Variants in CDH17 observed in about 807,000 individuals in gnomAD.
CDH17 encodes cadherin-17.
A neutral mutation model predicts 86.3 loss-of-function variants in CDH17; 67 were observed. The observed-to-expected ratio is 0.78, with a 90% confidence interval of 0.64 to 0.95. The LOEUF (loss-of-function observed/expected upper bound fraction) is 0.95, where lower values mean the gene tolerates loss of function less well. Among genes scored for constraint, CDH17 ranks in the 40% least tolerant of loss-of-function variants. CDH17 has a pLI of 0.00. For missense variants in CDH17, 993 were observed against 1,017.6 expected (o/e 0.98, Z 0.33); for synonymous variants, 367 against 366.4 (o/e 1.00, Z -0.02).
chr8:94,151,872 T>G lies in CDH17; in HGVS notation c.1792A>C (p.Ile598Leu). 1 of 1,614,186 alleles carries G rather than the reference T, an allele frequency of 6.2e-7. No homozygotes were observed. The highest frequency in any genetic ancestry group is 8.5e-7 in the Non-Finnish European group (1 of 1,180,014). ...VTAKDPEGLD[I>L]SYSLRGDTRG... ...CCCAGCACTGTTGCCCTTTACCTTA[T>G]GTCCAGACCTTCTGGATCCTTGGCA... The change falls in exon 13 of 18, where the codon ATA becomes CTA. Residue 598 changes from isoleucine (I) to leucine (L), a missense_variant. By Grantham distance (5) the Ile-to-Leu change is conservative. Transcript: ENST00000027335.
intron 15 of CDH17, among the ~76,000 whole-genome samples, chr8:94,138,273 G>T (rs2446809): frequency 0.82 from 125,283 of 151,990 alleles, 51,794 homozygotes; most frequent in African/African-American, 0.85. Flanking sequence ...AGGGACCAGA[G>T]TTACCATTCC....
chr8:94,194,550 T>C, intron 2 of CDH17, 85 bp downstream of exon 2: 2 of 878,010 alleles, frequency 2.3e-6, no homozygotes, highest in South Asian at 2.9e-5. Flanking sequence ...TAAGTAATAA[T>C]AGCCATTCTT....
intron 1 of CDH17, 66 bp from the exon 2 acceptor site, chr8:94,194,771 G>A (rs1813750995): frequency 4.7e-6 from 4 of 842,748 alleles, no homozygotes; most frequent in Non-Finnish European, 7.9e-6. Flanking sequence ...TTTCCAATCA[G>A]TAAGAATCAA....
At chr8:94,171,365 G>T (rs189940650) in intron 7 of CDH17, among the ~76,000 whole-genome samples, 1 of 152,188 alleles carries the variant, frequency 6.6e-6, no homozygotes, top group Non-Finnish European at 1.5e-5. Context: ...TGTATGGTGA[G>T]CATCTAATAC....
At chr8:94,130,274 G>A (rs1428320479) in intron 17 of CDH17, among the ~76,000 whole-genome samples, 2 of 152,128 alleles carry the variant, frequency 1.3e-5, no homozygotes, top group Non-Finnish European at 2.9e-5. Context: ...TGTAGGATCT[G>A]TGTATGTCAC....
At chr8:94,148,143 T>TGGACA (rs1304800494) in intron 14 of CDH17, among the ~76,000 whole-genome samples, 1 of 152,146 alleles carries the variant, frequency 6.6e-6, no homozygotes, top group African/African-American at 2.4e-5. Context: ...GGGAGGTAGT[T>TGGACA]CAGCCAGGGA....
At chr8:94,167,005 G>A (rs1254449060) in intron 9 of CDH17, among the ~76,000 whole-genome samples, 1 of 152,118 alleles carries the variant, frequency 6.6e-6, no homozygotes, top group African/African-American at 2.4e-5. Flanking sequence ...TGTTGCTGTA[G>A]CCCTAGGACG....
intron 2 of CDH17, among the ~76,000 whole-genome samples, chr8:94,192,786 C>G (rs1179597113): frequency 1.3e-5 from 2 of 152,234 alleles, no homozygotes; most frequent in Non-Finnish European, 2.9e-5. Flanking sequence ...TTCCCAAACC[C>G]TGGATCACTT....
intron 15 of CDH17, among the ~76,000 whole-genome samples, chr8:94,143,233 T>G (rs370854447): frequency 6.6e-6 from 1 of 152,188 alleles, no homozygotes; most frequent in Non-Finnish European, 1.5e-5. Context: ...CCACCAGAGC[T>G]CTTGAGTAAC....
At chr8:94,213,870 C>T (rs181076462) in intron 1 of CDH17, among the ~76,000 whole-genome samples, 204 of 152,344 alleles carry the variant, frequency 1.3e-3, no homozygotes, top group Admixed American at 2.9e-3. Flanking sequence ...TTTCCTTCCA[C>T]CTCTTGAGCT....
In CDH17 at chr8:94,130,824, A is replaced by G. The variant is rs1812398108; in HGVS notation, c.2284+52T>C. Reference sequence around the variant, plus strand: ...ATATCAAAGACAAGAATCTCCTCAAACGGCCCATGGTGACAGATACTAGCC... The same window carrying G: ...ATATCAAAGACAAGAATCTCCTCAAGCGGCCCATGGTGACAGATACTAGCC... On this transcript the variant is annotated intron_variant, in intron 16 of 17. Transcript: ENST00000027335. 7 of 1,490,052 alleles carry G rather than the reference A, an allele frequency of 4.7e-6. No homozygotes were observed. In the Middle Eastern group the frequency reaches 5.1e-4, roughly 109 times the overall value. 92.3% of individuals were successfully genotyped at this position (1,490,052 alleles called of 1,614,324 possible).
intron 14 of CDH17, among the ~76,000 whole-genome samples, chr8:94,147,185 A>G (rs777496924): frequency 6.6e-5 from 10 of 152,320 alleles, no homozygotes; most frequent in Middle Eastern, 3.4e-3. Flanking sequence ...TGTGCACAGC[A>G]TAAAGGCTCA....
intron 1 of CDH17, among the ~76,000 whole-genome samples, chr8:94,199,606 A>T (rs1813865123): frequency 6.6e-6 from 1 of 152,210 alleles, no homozygotes; most frequent in Non-Finnish European, 1.5e-5. Flanking sequence ...CCTAGGAAGT[A>T]GAAGGAGAAA....
chr8:94,176,480 T>C (rs1326463886), intron 5 of CDH17, 61 bp downstream of exon 5: 29 of 1,577,288 alleles, frequency 1.8e-5, no homozygotes, highest in Non-Finnish European at 2.4e-5. Flanking sequence ...CACACAAGTC[T>C]GCCCCTTCCA....
chr8:94,173,814 G>A lies in CDH17; in HGVS notation c.766C>T (p.Pro256Ser). The A allele has an allele frequency of 1.2e-6, 2 of 1,613,596 alleles. No individual in the cohort carries two copies. The highest frequency in any genetic ancestry group is 1.1e-5 in the South Asian group (1 of 91,056). Residue 256 changes from proline to serine, a missense_variant, in exon 7 of 18, where the codon CCC becomes TCC. Coordinates refer to ENST00000027335, the MANE Select transcript of CDH17 (RefSeq NM_004063.4). ...EMVENSTDPH[P>S]IKITQVRWND... is the part of the protein sequence containing the mutation. ...GGTACTACCTGAGTGATTTTGATGG[G>A]GTGAGGATCAGTTGAGTTTTCCACC...
At chr8:94,207,765 A>C (rs1038080344) in intron 1 of CDH17, among the ~76,000 whole-genome samples, 4 of 152,192 alleles carry the variant, frequency 2.6e-5, no homozygotes, top group Non-Finnish European at 4.4e-5. Flanking sequence ...TAAAAGACCA[A>C]GACAGAGGCA....
intron 3 of CDH17, among the ~76,000 whole-genome samples, chr8:94,185,768 T>A (rs577104995): frequency 6.6e-6 from 1 of 152,320 alleles, no homozygotes; most frequent in South Asian, 2.1e-4. Context: ...ATGCCTTTTC[T>A]AGGAAAATTA....
Position 94,194,696 on chromosome 8 carries a change from A to G in CDH17, c.-11T>C. On this transcript the variant is annotated 5_prime_UTR_variant, in exon 2 of 18. Transcript: ENST00000027335. ...GGCCTGAAGTATCATAGTTTTCTTT[A>G]TTCAAATTCCTGTGAAGGAACCAGA... is the stretch of plus-strand genomic sequence containing the variant. 3 of 1,589,020 alleles carry G rather than the reference A, an allele frequency of 1.9e-6. No individual in the cohort carries two copies. Among genetic ancestry groups the G allele is most frequent in the Non-Finnish European group, 2.6e-6 (3 of 1,162,992 alleles).
intron 1 of CDH17, among the ~76,000 whole-genome samples, chr8:94,215,540 A>G (rs2607058): frequency 0.54 from 81,482 of 151,984 alleles, 22,490 homozygotes; most frequent in African/African-American, 0.65. Context: ...CTGCTTTTGA[A>G]AGTGATGAAC....
Sources: gnomAD v4.1 joint callset for allele counts (sites outside exome capture counted in the v4.1 genomes callset) on GRCh38, gnomAD v4.1.1 for gene constraint, MANE v1.5 for transcripts, NCBI Gene and HGNC (gene_info 2026-07-23, HGNC 2026-07-21) for gene names.